PTPN1: variants seen among roughly 807,000 people sequenced by gnomAD.
The protein encoded by PTPN1 is protein tyrosine phosphatase non-receptor type 1.
Under a neutral mutation model 59.9 loss-of-function variants are expected in PTPN1, and 12 were observed. That is an observed-to-expected ratio of 0.20 (90% confidence interval 0.13 to 0.32). PTPN1 has a LOEUF of 0.32. Among genes scored for constraint, PTPN1 ranks in the 10% least tolerant of loss-of-function variants. The pLI is 1.00. For missense variants in PTPN1, 356 were observed against 549.2 expected (o/e 0.65, Z 3.52); for synonymous variants, 178 against 203.6 (o/e 0.87, Z 1.07).
At chr20:50,570,694 G>C (rs2082803857) in intron 4 of PTPN1, among the ~76,000 whole-genome samples, 3 of 152,228 alleles carry the variant, frequency 2.0e-5, no homozygotes, top group Non-Finnish European at 4.4e-5. Flanking sequence ...CAGCACTACT[G>C]ACACTTGGGC....
rs144882058 is a variant in PTPN1, at chr20:50,544,721, C to A, written c.64-16642C>A. ...GGGCCATGCCTTCACATTGCCGTAC[C>A]TGAGAAGCAAGGAGCTGGGGTATTT... On this transcript the variant is annotated intron_variant, in intron 1 of 9. Transcript: ENST00000371621. Among the ~76,000 whole-genome samples the A allele has an allele frequency of 3.7e-3, 558 of 152,278 alleles. 5 individuals are homozygous for A. Among genetic ancestry groups the A allele is most frequent in the African/African-American group, 0.011 (450 of 41,566 alleles).
chr20:50,520,877 T>TTAGAC (rs1308432045), intron 1 of PTPN1, among the ~76,000 whole-genome samples: 1 of 152,162 alleles, frequency 6.6e-6, no homozygotes, highest in East Asian at 1.9e-4. Flanking sequence ...AATGTAGTCA[T>TTAGAC]TAGACTAGAC....
intron 7 of PTPN1, 42 bp downstream of exon 7, chr20:50,579,371 A>C: frequency 6.3e-7 from 1 of 1,584,542 alleles, no homozygotes; most frequent in Non-Finnish European, 8.6e-7. Context: ...GACCATTTTA[A>C]CTTTTTTGTC....
intron 8 of PTPN1, among the ~76,000 whole-genome samples, chr20:50,580,487 T>C (rs572639591): frequency 1.3e-5 from 2 of 152,256 alleles, no homozygotes; most frequent in South Asian, 2.1e-4. Flanking sequence ...CAAAGCATAT[T>C]TTGGTGGGGG....
chr20:50,568,448 C>A lies in PTPN1; in HGVS notation c.324C>A (p.Val108=), dbSNP rs1601410783. ...GGGAGCAGAAAAGCAGGGGTGTCGT[C>A]ATGCTCAACAGAGTGATGGAGAAAG... ...MVWEQKSRGV[V]MLNRVMEKGS... Residue 108 remains valine, a synonymous_variant, in exon 4 of 10, where the codon GTC becomes GTA. Transcript: ENST00000371621. This position sits in a 1 kb window ranked among gnomAD's most constrained non-coding sequence, Gnocchi z 5.6. The A allele has an allele frequency of 1.2e-6, 2 of 1,614,048 alleles. No homozygotes were observed. The highest frequency in any genetic ancestry group is 2.7e-5 in the African/African-American group (2 of 74,928).
intron 4 of PTPN1, 144 bp from the exon 5 acceptor site, chr20:50,574,373 G>T: frequency 1.3e-6 from 1 of 796,766 alleles, no homozygotes. Flanking sequence ...CATGAGGCAG[G>T]CATCTGTGCT....
intron 1 of PTPN1, among the ~76,000 whole-genome samples, chr20:50,533,364 G>A (rs968074900): frequency 6.6e-6 from 1 of 152,094 alleles, no homozygotes; most frequent in Non-Finnish European, 1.5e-5. Context: ...TTTCATGGCA[G>A]TACATAACTG....
chr20:50,554,277 G>T (rs2082715995), intron 1 of PTPN1, among the ~76,000 whole-genome samples: 1 of 152,134 alleles, frequency 6.6e-6, no homozygotes, highest in Non-Finnish European at 1.5e-5. Flanking sequence ...ACTCTAGCTA[G>T]CCTGGAGGCT....
rs370809238 is a variant in PTPN1, at chr20:50,525,122, C to T, written c.63+14532C>T. On this transcript the variant is annotated intron_variant, in intron 1 of 9. Coordinates refer to ENST00000371621, the MANE Select transcript of PTPN1 (RefSeq NM_002827.4). ...CTGCCTAGGCTGGAGTGCAATGGCA[C>T]GATCTCGGCTCACTGCAACCTCCGC... is the stretch of plus-strand genomic sequence containing the variant. Among the ~76,000 whole-genome samples, 13 of 152,034 alleles carry T rather than the reference C, an allele frequency of 8.6e-5. No homozygotes were observed. In the East Asian group the frequency reaches 9.7e-4, roughly 11 times the overall value.
chr20:50,554,883 A>G (rs1261730943), intron 1 of PTPN1, among the ~76,000 whole-genome samples: 1 of 152,160 alleles, frequency 6.6e-6, no homozygotes, highest in Non-Finnish European at 1.5e-5. Context: ...AGACAGAGGA[A>G]AAAAGGAACA....
At chr20:50,556,880 G>C (rs1393900894) in intron 1 of PTPN1, among the ~76,000 whole-genome samples, 2 of 152,206 alleles carry the variant, frequency 1.3e-5, no homozygotes, top group African/African-American at 4.8e-5. Flanking sequence ...GGGAGGCAGA[G>C]GTTGTGGTGA....
chr20:50,569,647 CCTGTGTAGATTGT>C (rs1203690379), intron 4 of PTPN1, among the ~76,000 whole-genome samples: 1 of 151,890 alleles, frequency 6.6e-6, no homozygotes. Flanking sequence ...TGTAGACTGT[CCTGTGTAGATTGT>C]CTGTGTAGAC....
chr20:50,561,661 C>G (rs2082753022), intron 2 of PTPN1, among the ~76,000 whole-genome samples: 1 of 152,212 alleles, frequency 6.6e-6, no homozygotes, highest in African/African-American at 2.4e-5. Flanking sequence ...GTTTCAGTTT[C>G]TGGAAAATTC....
chr20:50,576,807 G>A (rs912160612), intron 5 of PTPN1, among the ~76,000 whole-genome samples: 6 of 152,092 alleles, frequency 3.9e-5, no homozygotes, highest in South Asian at 2.1e-4. Flanking sequence ...CCCAGGAGGC[G>A]GAGGTTGCAT....
intron 1 of PTPN1, among the ~76,000 whole-genome samples, chr20:50,556,034 C>CTTTTTT (rs745934751): frequency 7.0e-6 from 1 of 143,196 alleles, no homozygotes; most frequent in Non-Finnish European, 1.5e-5. Flanking sequence ...TTTTTCAGGT[C>CTTTTTT]TTTTTTTTTT....
intron 3 of PTPN1, among the ~76,000 whole-genome samples, chr20:50,565,372 A>C (rs1703657186): frequency 6.6e-6 from 1 of 152,192 alleles, no homozygotes; most frequent in Non-Finnish European, 1.5e-5. Context: ...TGGCTGGAGG[A>C]GGGTCTGTAC....
intron 1 of PTPN1, among the ~76,000 whole-genome samples, chr20:50,537,422 T>G (rs183440099): frequency 1.2e-4 from 19 of 152,350 alleles, no homozygotes; most frequent in African/African-American, 4.6e-4. Flanking sequence ...CATAACATTT[T>G]GCAGAACTGC....
chr20:50,540,220 T>A (rs2082645094), intron 1 of PTPN1, among the ~76,000 whole-genome samples: 1 of 152,156 alleles, frequency 6.6e-6, no homozygotes, highest in Admixed American at 6.5e-5. Context: ...CACGCCCAGC[T>A]AATTTTTTGT....
chr20:50,514,065 G>A (rs1224976140), intron 1 of PTPN1, among the ~76,000 whole-genome samples: 1 of 152,198 alleles, frequency 6.6e-6, no homozygotes, highest in Admixed American at 6.5e-5. Context: ...TGTCTGGACT[G>A]ATATTAGATT....
Sources: allele counts gnomAD v4.1 joint callset (sites outside exome capture counted in the v4.1 genomes callset), GRCh38; gene constraint gnomAD v4.1.1; non-coding constraint Gnocchi (gnomAD v3.1); transcripts MANE v1.5; gene names NCBI Gene and HGNC (gene_info 2026-07-23, HGNC 2026-07-21).